Variants in TBC1D12 observed in about 807,000 individuals in gnomAD.
TBC1D12 encodes TBC1 domain family, member 12.
A neutral mutation model predicts 86.7 loss-of-function variants in TBC1D12; 56 were observed. That is an observed-to-expected ratio of 0.65 (90% CI 0.52 to 0.81). The LOEUF (loss-of-function observed/expected upper bound fraction) is 0.81, where lower values mean the gene tolerates loss of function less well. TBC1D12 is among the 30% of genes least tolerant of loss of function. The pLI, the probability that TBC1D12 is intolerant of heterozygous loss-of-function variation, is 0.00. For missense variants in TBC1D12, 1,023 were observed against 1,038.8 expected (o/e 0.98, Z 0.21); for synonymous variants, 421 against 411.7 (o/e 1.02, Z -0.27).
At chr10:94,503,585 G>C (rs1344496775) in intron 6 of TBC1D12, among the ~76,000 whole-genome samples, 1 of 152,046 alleles carries the variant, frequency 6.6e-6, no homozygotes, top group Non-Finnish European at 1.5e-5. Flanking sequence ...ATTTTCACAA[G>C]TCTCCTGTAA....
At chr10:94,435,406 G>T (rs911778371) in intron 1 of TBC1D12, among the ~76,000 whole-genome samples, 7 of 152,126 alleles carry the variant, frequency 4.6e-5, no homozygotes, top group African/African-American at 1.7e-4. Context: ...ATATACAGTG[G>T]TCAATACATT....
At chr10:94,465,636 A>G (rs904343873) in intron 2 of TBC1D12, among the ~76,000 whole-genome samples, 5 of 142,496 alleles carry the variant, frequency 3.5e-5, no homozygotes, top group African/African-American at 5.4e-5. Flanking sequence ...ACAGAGCAAG[A>G]CTCTTGCCTA....
At chr10:94,526,041 T>C (rs1236714676) in intron 11 of TBC1D12, among the ~76,000 whole-genome samples, 1 of 152,234 alleles carries the variant, frequency 6.6e-6, no homozygotes, top group Non-Finnish European at 1.5e-5. Context: ...TCCTCCTATG[T>C]GGCTGTAATT....
At chr10:94,443,820 A>T (rs938774442) in intron 2 of TBC1D12, among the ~76,000 whole-genome samples, 8 of 152,224 alleles carry the variant, frequency 5.3e-5, no homozygotes, top group African/African-American at 1.9e-4. Context: ...AAGGTTTGAG[A>T]AATTGTATAC....
At chr10:94,408,193 T>C (rs981913931) in intron 1 of TBC1D12, among the ~76,000 whole-genome samples, 14 of 152,326 alleles carry the variant, frequency 9.2e-5, no homozygotes, top group South Asian at 2.1e-4. Context: ...TGATTTTTTT[T>C]CCCAAGTCTT....
chr10:94,465,050 A>G (rs2055785904), intron 2 of TBC1D12, among the ~76,000 whole-genome samples: 1 of 152,212 alleles, frequency 6.6e-6, no homozygotes, highest in African/African-American at 2.4e-5. Flanking sequence ...AATTGTGGGC[A>G]TTCTTCTCTG....
chr10:94,415,166 A>C (rs1232345436), intron 1 of TBC1D12, among the ~76,000 whole-genome samples: 1 of 152,242 alleles, frequency 6.6e-6, no homozygotes, highest in Non-Finnish European at 1.5e-5. Context: ...GATATAGTAC[A>C]TAGAAATTTA....
chr10:94,442,653 A>G lies in TBC1D12; in HGVS notation c.1095+634A>G, dbSNP rs146111833. On this transcript the variant is annotated intron_variant, in intron 2 of 12. Coordinates refer to ENST00000225235, the MANE Select transcript of TBC1D12 (RefSeq NM_015188.2). ...TACTAGATAAGTGAGAATGGAAAGC[A>G]GTGAGACTGGATCAATCTGCAGTGT... is the stretch of plus-strand genomic sequence containing the variant. Among the ~76,000 whole-genome samples, 529 of 152,342 alleles carry G rather than the reference A, an allele frequency of 3.5e-3. 1 individual carries two copies. Among genetic ancestry groups the G allele is most frequent in the African/African-American group, 0.012 (509 of 41,592 alleles).
intron 1 of TBC1D12, 47 bp downstream of exon 1, chr10:94,403,631 CCGGAGCCGGGGTCTTGGTGGGAGT>C: frequency 7.1e-7 from 1 of 1,405,020 alleles, no homozygotes; most frequent in East Asian, 2.9e-5. Flanking sequence ...GGGGCCGGGG[CCGGAGCCGGGGTCTTGGTGGGAGT>C]CGGAGCCGGA....
At chr10:94,504,370 A>T (rs2056435866) in intron 6 of TBC1D12, among the ~76,000 whole-genome samples, 1 of 152,206 alleles carries the variant, frequency 6.6e-6, no homozygotes, top group Admixed American at 6.5e-5. Flanking sequence ...GTTTTGTAAC[A>T]TAACTGAGTC....
At chr10:94,454,760 T>G (rs1340170865) in intron 2 of TBC1D12, among the ~76,000 whole-genome samples, 1 of 152,258 alleles carries the variant, frequency 6.6e-6, no homozygotes, top group Admixed American at 6.5e-5. Flanking sequence ...CTGTTATTGC[T>G]TATTAGTTCC....
intron 1 of TBC1D12, among the ~76,000 whole-genome samples, chr10:94,419,861 G>T (rs1317199520): frequency 6.6e-6 from 1 of 152,206 alleles, no homozygotes; most frequent in East Asian, 1.9e-4. Flanking sequence ...TTACCAAAAT[G>T]TGTGGTTTAG....
At chr10:94,502,701 A>G (rs2134193100) in intron 6 of TBC1D12, among the ~76,000 whole-genome samples, 1 of 152,312 alleles carries the variant, frequency 6.6e-6, no homozygotes, top group East Asian at 1.9e-4. Flanking sequence ...CTAAATAAAT[A>G]AATAGTTAAT....
At chr10:94,509,906 A>G (rs1482453153) in intron 7 of TBC1D12, 185 bp from the exon 8 acceptor site, 16 of 529,722 alleles carry the variant, frequency 3.0e-5, no homozygotes, top group Non-Finnish European at 4.9e-5. Flanking sequence ...TGATAAATGT[A>G]TAGCTATTTT....
Position 94,439,778 on chromosome 10 carries a change from G to T in TBC1D12, c.972-2118G>T, listed in dbSNP as rs74491799. ...CTTAGAGCATAAAGGTGAATTTGGA[G>T]TTAAGAGGTATTAGAAGAATCATCA... is the stretch of plus-strand genomic sequence containing the variant. On this transcript the variant is annotated intron_variant, in intron 1 of 12. Coordinates refer to ENST00000225235, the MANE Select transcript of TBC1D12 (RefSeq NM_015188.2). Among the ~76,000 whole-genome samples the T allele has an allele frequency of 7.6e-3, 1,153 of 152,250 alleles. 16 individuals are homozygous for T. The highest frequency in any genetic ancestry group is 0.027 in the African/African-American group (1,103 of 41,532).
chr10:94,413,022 T>G (rs1427498445), intron 1 of TBC1D12, among the ~76,000 whole-genome samples: 3 of 152,222 alleles, frequency 2.0e-5, no homozygotes, highest in African/African-American at 7.2e-5. Flanking sequence ...ATTCCCCGAC[T>G]ATAACCACTG....
intron 1 of TBC1D12, among the ~76,000 whole-genome samples, chr10:94,424,217 C>T (rs535418100): frequency 6.6e-6 from 1 of 152,234 alleles, no homozygotes; most frequent in African/African-American, 2.4e-5. Flanking sequence ...TATATTTTTC[C>T]TAGTTGTAGA....
chr10:94,449,949 A>G (rs2055525241), intron 2 of TBC1D12, among the ~76,000 whole-genome samples: 1 of 152,172 alleles, frequency 6.6e-6, no homozygotes, highest in Non-Finnish European at 1.5e-5. Context: ...TTTCGCTACA[A>G]AACGCAAGGC....
chr10:94,470,840 AGAT>A (rs2134139226), intron 2 of TBC1D12, among the ~76,000 whole-genome samples: 2 of 152,182 alleles, frequency 1.3e-5, no homozygotes, highest in South Asian at 4.1e-4. Flanking sequence ...TTTCTGATAA[AGAT>A]GAGCTCATAC....
Sources: allele counts gnomAD v4.1 joint callset (sites outside exome capture counted in the v4.1 genomes callset), GRCh38; gene constraint gnomAD v4.1.1; transcripts MANE v1.5; gene names NCBI Gene and HGNC (gene_info 2026-07-23, HGNC 2026-07-21).